Variants in TMEM267 observed in about 807,000 individuals in gnomAD.
TMEM267 encodes transmembrane protein 267, also known as transmembrane protein C5orf28.
A neutral mutation model predicts 19.3 loss-of-function variants in TMEM267; 20 were observed. The observed-to-expected ratio is 1.04, with a 90% CI of 0.73 to 1.51. The LOEUF (loss-of-function observed/expected upper bound fraction) is 1.51, where lower values mean the gene tolerates loss of function less well. Among genes scored for constraint, TMEM267 ranks in the 40% most tolerant of loss-of-function variants. The probability of loss-of-function intolerance (pLI) is 0.00; values close to 1 mark genes in which losing one functional copy is unlikely to be tolerated. For synonymous variants in TMEM267, 88 were observed against 90.3 expected (o/e 0.97, Z 0.15); for missense variants, 242 against 261.9 (o/e 0.92, Z 0.52).
intron 2 of TMEM267, among the ~76,000 whole-genome samples, chr5:43,446,812 T>C (rs1742268417): frequency 6.6e-6 from 1 of 152,068 alleles, no homozygotes; most frequent in African/African-American, 2.4e-5. Context: ...AAGTTTCCCA[T>C]TATTTGCTTA....
intron 1 of TMEM267, among the ~76,000 whole-genome samples, chr5:43,457,828 A>G (rs1483339421): frequency 2.0e-5 from 3 of 152,224 alleles, no homozygotes; most frequent in African/African-American, 7.2e-5. Flanking sequence ...TAAGTAATAG[A>G]TGTACTGTAG....
In TMEM267 at chr5:43,482,956, T is replaced by C. The variant is rs1744879766; in HGVS notation, c.-75+866A>G. On this transcript the variant is annotated intron_variant, in intron 1 of 2. Transcript: ENST00000397080. Reference sequence around the variant, plus strand: ...CTAAGTAAGTGTCATCTGTTTTAACTTTCCCTCTTCCCCACCAACCTTACA... The same window carrying C: ...CTAAGTAAGTGTCATCTGTTTTAACCTTCCCTCTTCCCCACCAACCTTACA... 1.3e-5 allele frequency among the ~76,000 whole-genome samples: 2 copies of C among 152,328 alleles called. 1 individual carries two copies. Among genetic ancestry groups the C allele is most frequent in the African/African-American group, 4.8e-5 (2 of 41,566 alleles).
chr5:43,453,761 C>G lies in TMEM267; in HGVS notation c.209G>C (p.Gly70Ala), dbSNP rs764564128. 6.2e-7 allele frequency: 1 copy of G among 1,613,972 alleles called. No homozygotes were observed. The highest frequency in any genetic ancestry group is 1.3e-5 in the African/African-American group (1 of 74,914). ...TCCAAAGTCAGTCTTCTTCTTGATT[C>G]CAGTGACTACCGCCCATGACCACAT... ...IGMWSWAVVT[G>A]IKKKTDFGEI... is the part of the protein sequence containing the mutation. The change falls in exon 2 of 3, where the codon GGA becomes GCA. Residue 70 changes from glycine to alanine, a missense_variant. Gly to Ala is a moderately conservative substitution (Grantham distance 60, BLOSUM62 0). Transcript: ENST00000397080.
chr5:43,476,508 CTTTTTTTTTT>C (rs67848213), intron 1 of TMEM267, among the ~76,000 whole-genome samples: 6 of 54,826 alleles, frequency 1.1e-4, no homozygotes, highest in Admixed American at 6.4e-4. Context: ...AAAGCCAGAC[CTTTTTTTTTT>C]TTTTTTTTTT....
Position 43,444,948 on chromosome 5 carries a change from A to G in TMEM267, c.*1274T>C, listed in dbSNP as rs962961698. On this transcript the variant is annotated 3_prime_UTR_variant, in exon 3 of 3. Coordinates refer to ENST00000397080, the MANE Select transcript of TMEM267 (RefSeq NM_022483.5). ...TTTACAGAATTCTGTTTAACTTAAT[A>G]TACAAGAAAATCTGCTGTGGATAAG... 6.6e-6 allele frequency: 1 copy of G among 152,170 alleles called. No homozygotes were observed. The highest frequency in any genetic ancestry group is 1.5e-5 in the Non-Finnish European group (1 of 68,026). The allele number at this position is 152,170 out of a possible 1,614,324, so 9.4% of individuals were successfully genotyped here. A position where few individuals can be genotyped will look rare whatever the true frequency, so the allele number is the denominator to read the frequency against.
At chr5:43,456,077 A>C (rs1322624217) in intron 1 of TMEM267, among the ~76,000 whole-genome samples, 3 of 151,646 alleles carry the variant, frequency 2.0e-5, no homozygotes, top group African/African-American at 7.3e-5. Flanking sequence ...TCCTGGCCTC[A>C]AGTGATCCTT....
At chr5:43,451,352 T>A (rs1024900103) in intron 2 of TMEM267, among the ~76,000 whole-genome samples, 2 of 151,948 alleles carry the variant, frequency 1.3e-5, no homozygotes, top group African/African-American at 4.8e-5. Context: ...TAGGGTTCAT[T>A]TGAAAAAGGG....
intron 1 of TMEM267, among the ~76,000 whole-genome samples, chr5:43,476,508 CTTTTTTTTTTTTTTTTT>C (rs67848213): frequency 3.6e-5 from 2 of 54,796 alleles, no homozygotes; most frequent in African/African-American, 7.8e-5. Flanking sequence ...AAAGCCAGAC[CTTTTTTTTTTTTTTTTT>C]TTTTTTTTTT....
intron 1 of TMEM267, among the ~76,000 whole-genome samples, chr5:43,464,634 C>A (rs1377555939): frequency 1.3e-4 from 20 of 152,204 alleles, no homozygotes; most frequent in Non-Finnish European, 2.4e-4. Flanking sequence ...CAGAACAGAG[C>A]CCTCAGAAAT....
Position 43,483,846 on chromosome 5 carries a change from G to A in TMEM267, c.-99C>T, listed in dbSNP as rs753196601. ...CCCCGGCTTCTCTGAGTTCAATCCA[G>A]CAGCAGCTCGAGCAGCGGCTCCGCC... On this transcript the variant is annotated 5_prime_UTR_variant, in exon 1 of 3. Transcript: ENST00000397080. 3 of 152,320 alleles carry A rather than the reference G, an allele frequency of 2.0e-5. No individual in the cohort carries two copies. The highest frequency in any genetic ancestry group is 2.9e-5 in the Non-Finnish European group (2 of 68,152). 9.4% of individuals were successfully genotyped at this position (152,320 alleles called of 1,614,324 possible). A position where few individuals can be genotyped will look rare whatever the true frequency, so the allele number is the denominator to read the frequency against.
Position 43,453,957 on chromosome 5 carries a change from T to C in TMEM267, c.13A>G (p.Thr5Ala). Residue 5 changes from threonine to alanine, a missense_variant, in exon 2 of 3, where the codon ACT (threonine) becomes GCT (alanine). Transcript: ENST00000397080. MASETEKTHALLQTC... is the reference protein window; with the variant it reads MASEAEKTHALLQTC... ...TGCAGTAAAGCATGGGTCTTTTCAG[T>C]CTCGGATGCCATGACAAACAATATG... 1 of 1,613,242 alleles carries C rather than the reference T, an allele frequency of 6.2e-7. No homozygotes were observed. Among genetic ancestry groups the C allele is most frequent in the Non-Finnish European group, 8.5e-7 (1 of 1,179,478 alleles).
intron 1 of TMEM267, among the ~76,000 whole-genome samples, chr5:43,467,680 C>A (rs1743823733): frequency 6.6e-6 from 1 of 152,170 alleles, no homozygotes; most frequent in South Asian, 2.1e-4. Flanking sequence ...ATCTTCCAGA[C>A]AGAAAATCAA....
intron 2 of TMEM267, among the ~76,000 whole-genome samples, chr5:43,446,851 A>T (rs1742270010): frequency 6.6e-6 from 1 of 152,096 alleles, no homozygotes; most frequent in South Asian, 2.1e-4. Flanking sequence ...CATAATTTAT[A>T]ATCTAAGTGT....
At position 43,467,809 on chromosome 5, in the gene TMEM267, C is replaced by T. The variant is rs558187467; in HGVS notation, c.-74-13766G>A. On this transcript the variant is annotated intron_variant, in intron 1 of 2. Transcript: ENST00000397080. ...ATCCCTTTGCTCACAGAGATAGATA[C>T]ATATTCTGATTGCCTTCTTGGGAAA... Among the ~76,000 whole-genome samples, 7 of 152,258 alleles carry T rather than the reference C, an allele frequency of 4.6e-5. No homozygotes were observed. In the East Asian group the frequency reaches 1.4e-3, roughly 29 times the overall value.
chr5:43,468,661 T>G (rs1337443416), intron 1 of TMEM267, among the ~76,000 whole-genome samples: 1 of 152,156 alleles, frequency 6.6e-6, no homozygotes, highest in Non-Finnish European at 1.5e-5. Context: ...AAATAAACTT[T>G]CTAAATTAAC....
At chr5:43,474,091 T>A (rs1744251299) in intron 1 of TMEM267, among the ~76,000 whole-genome samples, 1 of 152,182 alleles carries the variant, frequency 6.6e-6, no homozygotes, top group African/African-American at 2.4e-5. Context: ...GATCCCTTCC[T>A]TACACCTTAT....
chr5:43,468,357 TCAG>T (rs1277853582), intron 1 of TMEM267, among the ~76,000 whole-genome samples: 6 of 151,828 alleles, frequency 4.0e-5, no homozygotes, highest in Non-Finnish European at 7.4e-5. Context: ...GTGCTGGGAG[TCAG>T]CTTGCACAAG....
chr5:43,448,411 A>T (rs925828039), intron 2 of TMEM267, among the ~76,000 whole-genome samples: 1 of 152,226 alleles, frequency 6.6e-6, no homozygotes, highest in Non-Finnish European at 1.5e-5. Flanking sequence ...GAATCATGTA[A>T]TATCATGAAA....
intron 1 of TMEM267, among the ~76,000 whole-genome samples, chr5:43,457,087 G>C (rs1035362305): frequency 6.6e-6 from 1 of 152,178 alleles, no homozygotes; most frequent in African/African-American, 2.4e-5. Flanking sequence ...ATTATAGTAA[G>C]TGAAAGAAGT....
Sources: gnomAD v4.1 joint callset for allele counts (sites outside exome capture counted in the v4.1 genomes callset) on GRCh38, gnomAD v4.1.1 for gene constraint, MANE v1.5 for transcripts, NCBI Gene and HGNC (gene_info 2026-07-23, HGNC 2026-07-21) for gene names.